Variants in ADD2 observed in about 807,000 individuals in gnomAD.
The protein encoded by ADD2 is adducin 2, also known as beta-adducin.
A neutral mutation model predicts 83.0 loss-of-function variants in ADD2; 23 were observed. The ratio of observed to expected loss-of-function variants is 0.28; its 90% CI spans 0.20 to 0.39. The LOEUF (loss-of-function observed/expected upper bound fraction) is 0.39, where lower values mean the gene tolerates loss of function less well. Among genes scored for constraint, ADD2 ranks in the 10% least tolerant of loss-of-function variants. The probability of loss-of-function intolerance (pLI) is 1.00; values close to 1 mark genes in which losing one functional copy is unlikely to be tolerated. For missense variants in ADD2, 758 were observed against 944.9 expected, an observed-to-expected ratio of 0.80 and a Z score of 2.59; for synonymous variants, 375 against 375.4, an observed-to-expected ratio of 1.00 and a Z score of 0.01.
At chr2:70,692,774 G>A (rs1244134103) in intron 6 of ADD2, among the ~76,000 whole-genome samples, 2 of 152,214 alleles carry the variant, frequency 1.3e-5, no homozygotes, top group African/African-American at 2.4e-5. Flanking sequence ...CAGGAGAAAT[G>A]CGAGAGCAGA....
Position 70,713,127 on chromosome 2 carries a change from A to T in ADD2, c.-96T>A. The T allele has an allele frequency of 1.0e-6, 1 of 985,036 alleles. No individual in the cohort carries two copies. The highest frequency in any genetic ancestry group is 1.2e-6 in the Non-Finnish European group (1 of 829,890). The allele number at this position is 985,036 out of a possible 1,614,324, so 61.0% of individuals were successfully genotyped here. A position where few individuals can be genotyped will look rare whatever the true frequency, so the allele number is the denominator to read the frequency against. On this transcript the variant is annotated 5_prime_UTR_variant, in exon 2 of 16. Coordinates refer to ENST00000264436, the MANE Select transcript of ADD2 (RefSeq NM_001617.4). ...GTTCACTGCTCAGTCTGCACCCCCT[A>T]GCTCCACTCTCAAGGGTGCCGGCCA... is the stretch of plus-strand genomic sequence containing the variant.
rs17006100 is a variant in ADD2, at chr2:70,687,960, C to T, written c.948+64G>A. ...TGAATCACAGCCAACAGGGTCACCA[C>T]GTTTGCCCACAGGCCCCTGTCAGAG... On this transcript the variant is annotated intron_variant, in intron 9 of 15. Transcript: ENST00000264436. 3.0e-3 allele frequency: 3,792 copies of T among 1,264,634 alleles called. 65 individuals are homozygous for T. The highest frequency in any genetic ancestry group is 0.029 in the African/African-American group (1,964 of 67,900). 78.3% of individuals were successfully genotyped at this position (1,264,634 alleles called of 1,614,324 possible). A position where few individuals can be genotyped will look rare whatever the true frequency, so the allele number is the denominator to read the frequency against.
intron 1 of ADD2, among the ~76,000 whole-genome samples, chr2:70,738,473 A>G (rs1391929570): frequency 6.6e-6 from 1 of 152,192 alleles, no homozygotes; most frequent in Non-Finnish European, 1.5e-5. Context: ...GCTGAAAGAT[A>G]AAGCTTTATT....
chr2:70,717,303 T>A (rs1446291788), intron 1 of ADD2, among the ~76,000 whole-genome samples: 2 of 152,180 alleles, frequency 1.3e-5, no homozygotes, highest in African/African-American at 4.8e-5. Flanking sequence ...GAAATCACAT[T>A]TCTATGGATC....
intron 9 of ADD2, among the ~76,000 whole-genome samples, chr2:70,684,817 G>A (rs189814063): frequency 1.1e-4 from 17 of 152,344 alleles, no homozygotes; most frequent in Admixed American, 1.1e-3. Flanking sequence ...GGGCAATGCA[G>A]GTGGTTGTAG....
chr2:70,715,053 T>C (rs992597735), intron 1 of ADD2, among the ~76,000 whole-genome samples: 3 of 152,004 alleles, frequency 2.0e-5, no homozygotes, highest in Admixed American at 6.5e-5. Flanking sequence ...ACGCCCTAAT[T>C]AAAATGAAAA....
Position 70,659,535 on chromosome 2 carries a change from T to C in ADD2, c.*3890A>G, listed in dbSNP as rs1675469636. On this transcript the variant is annotated 3_prime_UTR_variant, in exon 16 of 16. Coordinates refer to ENST00000264436, the MANE Select transcript of ADD2 (RefSeq NM_001617.4). ...TACTGTAAGAACTTACTGCTCTTCA[T>C]CCAATTTCCCCCAAGTCCTTTAAAA... The C allele has an allele frequency of 6.6e-6, 1 of 152,220 alleles. No homozygotes were observed. The highest frequency in any genetic ancestry group is 6.5e-5 in the Admixed American group (1 of 15,286). The allele number at this position is 152,220 out of a possible 1,614,324, so 9.4% of individuals were successfully genotyped here. A position where few individuals can be genotyped will look rare whatever the true frequency, so the allele number is the denominator to read the frequency against.
At chr2:70,746,276 G>A (rs933630653) in intron 1 of ADD2, among the ~76,000 whole-genome samples, 1 of 152,186 alleles carries the variant, frequency 6.6e-6, no homozygotes, top group Non-Finnish European at 1.5e-5. Context: ...TCAGTGGGTG[G>A]TGGAATTATT....
At chr2:70,670,067 C>T (rs953863059) in intron 15 of ADD2, among the ~76,000 whole-genome samples, 4 of 152,176 alleles carry the variant, frequency 2.6e-5, no homozygotes, top group Non-Finnish European at 5.9e-5. Context: ...CCCAACAACC[C>T]CAGTCAACCC....
At chr2:70,701,116 A>G (rs1027214420) in intron 4 of ADD2, among the ~76,000 whole-genome samples, 2 of 152,130 alleles carry the variant, frequency 1.3e-5, no homozygotes, top group Non-Finnish European at 2.9e-5. Flanking sequence ...TGAACTGCTA[A>G]CCAATCTCAT....
At chr2:70,733,641 T>C (rs1673386699) in intron 1 of ADD2, among the ~76,000 whole-genome samples, 2 of 152,212 alleles carry the variant, frequency 1.3e-5, no homozygotes, top group African/African-American at 4.8e-5. Context: ...GAGTACCTGT[T>C]GGCTAACAAA....
intron 1 of ADD2, among the ~76,000 whole-genome samples, chr2:70,723,077 G>A (rs1672811318): frequency 6.6e-6 from 1 of 152,196 alleles, no homozygotes; most frequent in African/African-American, 2.4e-5. Context: ...TCTACATGAA[G>A]GACCCAGGGA....
intron 10 of ADD2, among the ~76,000 whole-genome samples, chr2:70,680,321 CTG>C (rs1670395503): frequency 6.6e-6 from 1 of 152,092 alleles, no homozygotes; most frequent in Admixed American, 6.5e-5. Context: ...CCTGCTTTTC[CTG>C]TGTTAAATTC....
intron 10 of ADD2, among the ~76,000 whole-genome samples, chr2:70,679,640 C>T (rs1490559592): frequency 6.6e-6 from 1 of 151,872 alleles, no homozygotes; most frequent in East Asian, 1.9e-4. Flanking sequence ...ATTAAAATGA[C>T]ATTATTTTTC....
chr2:70,663,766 A>G, intron 15 of ADD2, 31 bp from the exon 16 acceptor site: 1 of 1,589,794 alleles, frequency 6.3e-7, no homozygotes, highest in Non-Finnish European at 8.6e-7. Context: ...ATGACCTGTA[A>G]GATTTCATTC....
At chr2:70,757,484 G>A (rs1204838373) in intron 1 of ADD2, among the ~76,000 whole-genome samples, 2 of 152,128 alleles carry the variant, frequency 1.3e-5, no homozygotes, top group Non-Finnish European at 2.9e-5. Context: ...GAATGAGTGT[G>A]GAATGGTTAA....
Position 70,745,494 on chromosome 2 carries a change from T to G in ADD2, c.-154+22392A>C, listed in dbSNP as rs189405347. Among the ~76,000 whole-genome samples the G allele has an allele frequency of 7.9e-5, 12 of 152,026 alleles. No individual in the cohort carries two copies. The East Asian group carries it at 2.3e-3, about 29-fold the overall frequency. On this transcript the variant is annotated intron_variant, in intron 1 of 15. Transcript: ENST00000264436. ...AACATTGTACTTAGATGTGAAGGGGTTGGTCTCTTCCTGAGATGCAGGCCG... is the reference window on the plus strand; with the variant it reads ...AACATTGTACTTAGATGTGAAGGGGGTGGTCTCTTCCTGAGATGCAGGCCG...
intron 9 of ADD2, 102 bp from the exon 10 acceptor site, chr2:70,683,869 A>G: frequency 7.5e-7 from 1 of 1,326,042 alleles, no homozygotes; most frequent in Admixed American, 2.9e-5. Context: ...CCAGAGGAGA[A>G]CTTAGAGGCC....
intron 1 of ADD2, among the ~76,000 whole-genome samples, chr2:70,739,309 CT>C (rs1345953416): frequency 2.0e-5 from 3 of 152,238 alleles, no homozygotes; most frequent in Non-Finnish European, 4.4e-5. Context: ...AATTAGAGGG[CT>C]GCAAATCAAA....
Sources: gnomAD v4.1 joint callset for allele counts (sites outside exome capture counted in the v4.1 genomes callset) on GRCh38, gnomAD v4.1.1 for gene constraint, MANE v1.5 for transcripts, NCBI Gene and HGNC (gene_info 2026-07-23, HGNC 2026-07-21) for gene names.